Variants in NCR2 observed in about 807,000 individuals in gnomAD.
NCR2 encodes NK cell activating receptor (NKp44).
NCR2 carries 35 observed loss-of-function variants against 30.7 expected under a neutral mutation model. That is an observed-to-expected ratio of 1.14 (90% CI 0.87 to 1.51). The LOEUF is 1.51. Ranked by LOEUF, NCR2 falls within the 40% of genes most tolerant of loss-of-function variation. The pLI is 0.00. For synonymous variants in NCR2, 146 were observed against 134.8 expected, an observed-to-expected ratio of 1.08 and a Z score of -0.58; for missense variants, 316 against 328.9, an observed-to-expected ratio of 0.96 and a Z score of 0.30.
intron 2 of NCR2, among the ~76,000 whole-genome samples, chr6:41,340,307 G>A (rs921194684): frequency 7.2e-5 from 11 of 151,990 alleles, no homozygotes; most frequent in African/African-American, 1.9e-4. Context: ...GATTACAGGC[G>A]CCTGCTACCA....
intron 4 of NCR2, among the ~76,000 whole-genome samples, chr6:41,346,594 A>T (rs1180704620): frequency 6.6e-6 from 1 of 152,162 alleles, no homozygotes; most frequent in African/African-American, 2.4e-5. Flanking sequence ...GGTTGAACCT[A>T]GCTTCCTGCT....
Position 41,336,272 on chromosome 6 carries a change from C to T in NCR2, c.238C>T (p.Arg80Ter), listed in dbSNP as rs779507749. 10 of 1,614,056 alleles carry T rather than the reference C, an allele frequency of 6.2e-6. No homozygotes were observed. The highest frequency in any genetic ancestry group is 1.1e-5 in the South Asian group (1 of 91,088). The change falls in exon 2 of 5, where the codon CGA (arginine) becomes TGA (stop). Residue 80 changes from arginine to a stop codon, truncating the protein, a stop_gained. Coordinates refer to ENST00000373089, the MANE Select transcript of NCR2 (RefSeq NM_004828.4). LOFTEE classifies it high-confidence loss of function. ...GCCCAGGACGATGGCTTGGACCTCT[C>T]GATTCACAATCTGGGACGACCCTGA... Reference protein sequence around the residue: ...SKPRTMAWTSRFTIWDDPDAG... With the variant: ...SKPRTMAWTS
In NCR2 at chr6:41,350,616, C is replaced by T. The variant is rs1454360203; in HGVS notation, c.645-62C>T. On this transcript the variant is annotated intron_variant, in intron 4 of 4. Transcript: ENST00000373089. The stretch of plus-strand genomic sequence containing the variant: ...TGGGATGGGGAAGGGGTTGCCTCTG[C>T]ACCTATGTGCAATTATGTGGCAGTC... The T allele has an allele frequency of 5.4e-6, 8 of 1,471,786 alleles. No individual in the cohort carries two copies. In the East Asian group the frequency reaches 9.1e-5, roughly 17 times the overall value. The allele number at this position is 1,471,786 out of a possible 1,614,324, so 91.2% of individuals were successfully genotyped here.
intron 2 of NCR2, among the ~76,000 whole-genome samples, chr6:41,337,030 A>T (rs1210964964): frequency 6.6e-6 from 1 of 152,200 alleles, no homozygotes; most frequent in Non-Finnish European, 1.5e-5. Context: ...TGACAGCAAA[A>T]TTGAGCAGCT....
intron 4 of NCR2, among the ~76,000 whole-genome samples, chr6:41,343,243 C>T (rs1769221618): frequency 6.6e-6 from 1 of 152,276 alleles, no homozygotes; most frequent in African/African-American, 2.4e-5. Context: ...CCTGCAGCAT[C>T]TTTCTACCAA....
chr6:41,344,427 T>A (rs906537796), intron 4 of NCR2, among the ~76,000 whole-genome samples: 1 of 152,220 alleles, frequency 6.6e-6, no homozygotes, highest in Admixed American at 6.5e-5. Flanking sequence ...ACGCTTACAA[T>A]CCCGATGTTG....
rs140071875 is a variant in NCR2, at chr6:41,345,244, C to G, written c.644+3095C>G. Among the ~76,000 whole-genome samples, 881 of 152,204 alleles carry G rather than the reference C, an allele frequency of 5.8e-3. 13 individuals carry two copies. The highest frequency in any genetic ancestry group is 0.02 in the African/African-American group (829 of 41,530). ...CAACCTGTTCTCTGGTTTCCAGCAC[C>G]CACTTCAACCCTGCCTTAAGAGATA... On this transcript the variant is annotated intron_variant, in intron 4 of 4. Transcript: ENST00000373089.
chr6:41,346,828 A>AGAGGGAGGGAGG (rs374481433), intron 4 of NCR2, among the ~76,000 whole-genome samples: 1 of 135,822 alleles, frequency 7.4e-6, no homozygotes, highest in African/African-American at 2.7e-5. Flanking sequence ...AGAGAGAAAG[A>AGAGGGAGGGAGG]GAGGGAGGGA....
At chr6:41,345,058 G>A (rs1393719821) in intron 4 of NCR2, among the ~76,000 whole-genome samples, 2 of 152,100 alleles carry the variant, frequency 1.3e-5, no homozygotes, top group African/African-American at 4.8e-5. Flanking sequence ...GTGGCGCCCT[G>A]TGCCCTGAGC....
In NCR2 at chr6:41,350,815, C is replaced by T. The variant is rs748132403; in HGVS notation, c.782C>T (p.Thr261Ile). 3 of 1,123,486 alleles carry T rather than the reference C, an allele frequency of 2.7e-6. No individual in the cohort carries two copies. The highest frequency in any genetic ancestry group is 2.5e-5 in the South Asian group (2 of 80,994). 69.6% of individuals were successfully genotyped at this position (1,123,486 alleles called of 1,614,324 possible). A position where few individuals can be genotyped will look rare whatever the true frequency, so the allele number is the denominator to read the frequency against. Residue 261 changes from threonine (T) to isoleucine (I), a missense_variant, in exon 5 of 5, where the codon ACT (threonine) becomes ATT (isoleucine). By Grantham distance (89) the Thr-to-Ile change is moderately conservative. Coordinates refer to ENST00000373089, the MANE Select transcript of NCR2 (RefSeq NM_004828.4). Reference protein sequence around the residue: ...SPVEREILYHTVARTKISDDD... With the variant: ...SPVEREILYHIVARTKISDDD... Reference sequence around the variant, plus strand: ...GTAGAGAGAGAAATATTATATCACACTGTTGCAAGGACTAAGATAAGCGAT... The same window carrying T: ...GTAGAGAGAGAAATATTATATCACATTGTTGCAAGGACTAAGATAAGCGAT...
rs374473729 is a variant in NCR2, at chr6:41,342,141, C to T, written c.636C>T (p.Leu212=). The T allele has an allele frequency of 6.8e-6, 11 of 1,612,728 alleles. No individual in the cohort carries two copies. The highest frequency in any genetic ancestry group is 4.4e-5 in the South Asian group (4 of 91,076). The part of the protein sequence containing the change: ...VAKSLVLSAL[L]VWWGDIWWKT... The stretch of plus-strand genomic sequence containing the variant: ...AGAGCCTGGTGCTGTCAGCCCTGCT[C>T]GTCTGGTGGTGAGTGTGGTGTGGGT... The change falls in exon 4 of 5, where the codon CTC becomes CTT. Residue 212 remains leucine, a synonymous_variant. Coordinates refer to ENST00000373089, the MANE Select transcript of NCR2 (RefSeq NM_004828.4).
Position 41,345,861 on chromosome 6 carries a change from C to T in NCR2, c.644+3712C>T, listed in dbSNP as rs148519857. Among the ~76,000 whole-genome samples the T allele has an allele frequency of 5.4e-3, 829 of 152,292 alleles. 7 individuals carry two copies. Among genetic ancestry groups the T allele is most frequent in the Non-Finnish European group, 5.7e-3 (391 of 68,026 alleles). On this transcript the variant is annotated intron_variant, in intron 4 of 4. Coordinates refer to ENST00000373089, the MANE Select transcript of NCR2 (RefSeq NM_004828.4). Reference sequence around the variant, plus strand: ...TGCTCAGCTTCTCTGAACGTCACCGCGGTACTCTCCCTGACATCTGCCTGT... The same window carrying T: ...TGCTCAGCTTCTCTGAACGTCACCGTGGTACTCTCCCTGACATCTGCCTGT...
At position 41,336,444 on chromosome 6, in the gene NCR2, A is replaced by T; in HGVS notation, c.394+16A>T. 1.2e-6 allele frequency: 2 copies of T among 1,601,808 alleles called. No individual in the cohort carries two copies. The highest frequency in any genetic ancestry group is 8.5e-7 in the Non-Finnish European group (1 of 1,170,696). On this transcript the variant is annotated intron_variant, in intron 2 of 4. Transcript: ENST00000373089. ...GTATCTCCAGGTGAGCTCTTTCCCT[A>T]GGGTCCTCAGAGGGGTGCCCCTCAC... is the stretch of plus-strand genomic sequence containing the variant.
chr6:41,341,170 A>G (rs1034912127), intron 2 of NCR2, among the ~76,000 whole-genome samples: 1 of 152,038 alleles, frequency 6.6e-6, no homozygotes, highest in East Asian at 1.9e-4. Context: ...AACAGTCCCC[A>G]TCACTTTTCC....
intron 4 of NCR2, among the ~76,000 whole-genome samples, chr6:41,343,236 G>A (rs1769221559): frequency 6.6e-6 from 1 of 152,258 alleles, no homozygotes; most frequent in Non-Finnish European, 1.5e-5. Flanking sequence ...CCCAGCGCCT[G>A]CAGCATCTTT....
At chr6:41,347,190 AG>A (rs1769320923) in intron 4 of NCR2, among the ~76,000 whole-genome samples, 1 of 152,182 alleles carries the variant, frequency 6.6e-6, no homozygotes, top group Non-Finnish European at 1.5e-5. Context: ...ACTCCAGCCT[AG>A]GTGACAGAGC....
intron 2 of NCR2, among the ~76,000 whole-genome samples, chr6:41,340,178 G>A (rs1561941839): frequency 1.6e-5 from 1 of 61,748 alleles, no homozygotes; most frequent in Admixed American, 1.6e-4. Context: ...TTTATTTATT[G>A]TGAGACAGAG....
At chr6:41,344,155 G>A (rs970836027) in intron 4 of NCR2, among the ~76,000 whole-genome samples, 7 of 152,044 alleles carry the variant, frequency 4.6e-5, no homozygotes, top group Non-Finnish European at 1.0e-4. Flanking sequence ...ATACCTCTGT[G>A]CATTTCTGCC....
intron 2 of NCR2, among the ~76,000 whole-genome samples, chr6:41,336,774 C>T (rs886167122): frequency 4.6e-5 from 7 of 152,022 alleles, no homozygotes; most frequent in Admixed American, 6.6e-5. Context: ...CTGGCTGCCC[C>T]CACCATGTAG....
Sources: allele counts gnomAD v4.1 joint callset (sites outside exome capture counted in the v4.1 genomes callset), GRCh38; gene constraint gnomAD v4.1.1; transcripts MANE v1.5; gene names NCBI Gene and HGNC (gene_info 2026-07-23, HGNC 2026-07-21).